Variants in ADGRL1 observed in about 807,000 individuals in gnomAD.
ADGRL1 encodes the protein CIRL-1.
A neutral mutation model predicts 148.9 loss-of-function variants in ADGRL1; 31 were observed. The observed-to-expected ratio is 0.21, with a 90% CI of 0.16 to 0.28. The LOEUF (loss-of-function observed/expected upper bound fraction) is 0.28, where lower values mean the gene tolerates loss of function less well. Among genes scored for constraint, ADGRL1 ranks in the 10% least tolerant of loss-of-function variants. The pLI, the probability that ADGRL1 is intolerant of heterozygous loss-of-function variation, is 1.00. For synonymous variants in ADGRL1, 937 were observed against 900.3 expected, an observed-to-expected ratio of 1.04 and a Z score of -0.73; for missense variants, 1,521 against 2,058.8, an observed-to-expected ratio of 0.74 and a Z score of 5.05.
chr19:14,152,062 G>A lies in ADGRL1; in HGVS notation c.3667+71C>T. ...TCCCGAGTTCTCCTCCTTAAGTGAG[G>A]CCGTCTGAGAAGGCCACTGTCTGTC... On this transcript the variant is annotated intron_variant, in intron 22 of 22. Transcript: ENST00000361434. The surrounding 1 kb of genome is among the most constrained non-coding windows in gnomAD (Gnocchi z 6.1). 6.9e-7 allele frequency: 1 copy of A among 1,440,362 alleles called. No individual in the cohort carries two copies. 89.2% of individuals were successfully genotyped at this position (1,440,362 alleles called of 1,614,324 possible).
intron 2 of ADGRL1, among the ~76,000 whole-genome samples, chr19:14,180,369 C>T (rs939463589): frequency 2.6e-5 from 4 of 152,170 alleles, no homozygotes; most frequent in Non-Finnish European, 4.4e-5. Flanking sequence ...GATTCTCCTG[C>T]CTCAGCCTCC....
intron 4 of ADGRL1, chr19:14,170,295 G>A (rs577705670): frequency 8.5e-5 from 14 of 165,522 alleles, no homozygotes; most frequent in African/African-American, 2.2e-4. Context: ...GTGAGAAGGC[G>A]AGGGAGGCAG....
Position 14,160,398 on chromosome 19 carries a change from T to C in ADGRL1, c.1615-101A>G, listed in dbSNP as rs1201005731. 4 of 1,155,924 alleles carry C rather than the reference T, an allele frequency of 3.5e-6. No homozygotes were observed. In the Admixed American group the frequency reaches 9.7e-5, roughly 28 times the overall value. The allele number at this position is 1,155,924 out of a possible 1,614,324, so 71.6% of individuals were successfully genotyped here. On this transcript the variant is annotated intron_variant, in intron 7 of 22. Transcript: ENST00000361434. This position sits in a 1 kb window ranked among gnomAD's most constrained non-coding sequence, Gnocchi z 5.9. The stretch of plus-strand genomic sequence containing the variant: ...CTGTGCAGCCTCTCCTATCTCTCTC[T>C]CCACTTCCCCATCGCCATCTGCCCC...
chr19:14,154,022 G>C (rs1360982797), intron 18 of ADGRL1, among the ~76,000 whole-genome samples: 1 of 151,988 alleles, frequency 6.6e-6, no homozygotes, highest in African/African-American at 2.4e-5. Flanking sequence ...GGTAAGAACG[G>C]GGGCTGCACC....
intron 3 of ADGRL1, among the ~76,000 whole-genome samples, chr19:14,176,406 A>G (rs1319635708): frequency 6.6e-6 from 1 of 152,190 alleles, no homozygotes; most frequent in African/African-American, 2.4e-5. Context: ...TCATAGATGC[A>G]TGCAATCACA....
At chr19:14,167,781 ACACAGACTGGGTGGGACAGCAAGTGGGGG>A (rs1970119920) in intron 4 of ADGRL1, among the ~76,000 whole-genome samples, 1 of 151,432 alleles carries the variant, frequency 6.6e-6, no homozygotes, top group Non-Finnish European at 1.5e-5. Flanking sequence ...GGGGTGGGGG[ACACAGACTGGGTGGGACAGCAAGTGGGGG>A]CACAGACACG....
chr19:14,203,648 G>A (rs1972763089), intron 1 of ADGRL1, among the ~76,000 whole-genome samples: 2 of 152,300 alleles, frequency 1.3e-5, no homozygotes, highest in South Asian at 2.1e-4. Context: ...CCAGGAGAAA[G>A]GGCTCCCCTG....
chr19:14,150,769 T>C lies in ADGRL1; in HGVS notation c.*104A>G. 1.5e-6 allele frequency: 2 copies of C among 1,379,018 alleles called. No homozygotes were observed. The allele number at this position is 1,379,018 out of a possible 1,614,324, so 85.4% of individuals were successfully genotyped here. On this transcript the variant is annotated 3_prime_UTR_variant, in exon 23 of 23. Coordinates refer to ENST00000361434, the MANE Select transcript of ADGRL1 (RefSeq NM_014921.5). ...ATGGCTGAGGGGCACCTGGAGAGAG[T>C]GGCCCACCAGCCACTGCCTCCATCT...
At chr19:14,166,880 C>G in intron 4 of ADGRL1, 1 of 905,750 alleles carries the variant, frequency 1.1e-6, no homozygotes, top group Non-Finnish European at 1.8e-6. Context: ...GAGGACAACC[C>G]AGGGTGGGGG....
At chr19:14,180,289 T>G (rs888873017) in intron 2 of ADGRL1, among the ~76,000 whole-genome samples, 1 of 152,168 alleles carries the variant, frequency 6.6e-6, no homozygotes, top group Admixed American at 6.5e-5. Context: ...AGAGTCTCGC[T>G]CTGTCACCCA....
chr19:14,157,862 C>T lies in ADGRL1; in HGVS notation c.2535+20G>A. 2 of 1,612,482 alleles carry T rather than the reference C, an allele frequency of 1.2e-6. No homozygotes were observed. The highest frequency in any genetic ancestry group is 1.7e-6 in the Non-Finnish European group (2 of 1,179,322). On this transcript the variant is annotated intron_variant, in intron 13 of 22. Coordinates refer to ENST00000361434, the MANE Select transcript of ADGRL1 (RefSeq NM_014921.5). This position sits in a 1 kb window ranked among gnomAD's most constrained non-coding sequence, Gnocchi z 7.5. ...CAGCAATCGGGCCTGCCTGGAGGAG[C>T]AGAGCACCAGCCAGCTTACGATCTC... is the stretch of plus-strand genomic sequence containing the variant.
intron 4 of ADGRL1, among the ~76,000 whole-genome samples, chr19:14,163,690 G>C (rs144476009): frequency 6.6e-6 from 1 of 152,102 alleles, no homozygotes; most frequent in Non-Finnish European, 1.5e-5. Context: ...ATTAAGAGCG[G>C]GGTTAGTGAG....
chr19:14,184,419 T>G (rs1239621553), intron 1 of ADGRL1, among the ~76,000 whole-genome samples: 1 of 151,326 alleles, frequency 6.6e-6, no homozygotes, highest in Non-Finnish European at 1.5e-5. Flanking sequence ...GCTCAGTTTT[T>G]TTTTTCATTA....
chr19:14,195,132 G>A (rs1397702790), intron 1 of ADGRL1, among the ~76,000 whole-genome samples: 2 of 151,976 alleles, frequency 1.3e-5, no homozygotes, highest in Non-Finnish European at 2.9e-5. Flanking sequence ...CGATCCTCCC[G>A]CCTCAGCCTC....
In ADGRL1 at chr19:14,148,779, C is replaced by G. The variant is rs1967850683; in HGVS notation, c.*2094G>C. 6.5e-6 allele frequency: 1 copy of G among 152,692 alleles called. No homozygotes were observed. Among genetic ancestry groups the G allele is most frequent in the Admixed American group, 6.5e-5 (1 of 15,284 alleles). 9.5% of individuals were successfully genotyped at this position (152,692 alleles called of 1,614,324 possible). On this transcript the variant is annotated 3_prime_UTR_variant, in exon 23 of 23. Coordinates refer to ENST00000361434, the MANE Select transcript of ADGRL1 (RefSeq NM_014921.5). ...CCCACACCTGTTCCCTTACACGGGACAAACCACCATCTTTGGTCTGACCCC... is the reference window on the plus strand; with the variant it reads ...CCCACACCTGTTCCCTTACACGGGAGAAACCACCATCTTTGGTCTGACCCC...
chr19:14,174,404 A>T (rs958664280), intron 3 of ADGRL1, among the ~76,000 whole-genome samples: 4 of 152,022 alleles, frequency 2.6e-5, no homozygotes, highest in African/African-American at 9.7e-5. Context: ...GGCAGAGAGG[A>T]GGAGATGATG....
chr19:14,203,019 T>G (rs1284042664), intron 1 of ADGRL1, among the ~76,000 whole-genome samples: 1 of 152,132 alleles, frequency 6.6e-6, no homozygotes, highest in Non-Finnish European at 1.5e-5. Context: ...TGTTTCTACT[T>G]GGCCTCCCAC....
Position 14,161,335 on chromosome 19 carries a change from C to A in ADGRL1, c.1487G>T (p.Arg496Met), listed in dbSNP as rs753240037. The change falls in exon 6 of 23, where the codon AGG becomes ATG. Residue 496 changes from arginine (R) to methionine (M), a missense_variant. Physicochemically the swap from Arg to Met is moderately conservative, Grantham distance 91. Coordinates refer to ENST00000361434, the MANE Select transcript of ADGRL1 (RefSeq NM_014921.5). This position sits in a 1 kb window ranked among gnomAD's most constrained non-coding sequence, Gnocchi z 4.4. ...PATQQGMLVE[R>M]PCPKGTRGIA... ...ACCTCGAGTCCCCTTGGGGCAGGGC[C>A]TCTCCACCAGCATGCCCTGCTGGGT... 6.3e-7 allele frequency: 1 copy of A among 1,592,152 alleles called. No individual in the cohort carries two copies.
intron 1 of ADGRL1, among the ~76,000 whole-genome samples, chr19:14,197,953 A>G (rs1476992736): frequency 6.6e-6 from 1 of 152,158 alleles, no homozygotes; most frequent in African/African-American, 2.4e-5. Flanking sequence ...GGGGGTATAC[A>G]TGTAGGTGCA....
Sources: allele counts gnomAD v4.1 joint callset (sites outside exome capture counted in the v4.1 genomes callset), GRCh38; gene constraint gnomAD v4.1.1; non-coding constraint Gnocchi (gnomAD v3.1); transcripts MANE v1.5; gene names NCBI Gene and HGNC (gene_info 2026-07-23, HGNC 2026-07-21).